SNRNP200: variants seen among roughly 807,000 people sequenced by gnomAD.
The protein encoded by SNRNP200 is U5 small nuclear ribonucleoprotein 200 kDa helicase.
A neutral mutation model predicts 255.2 loss-of-function variants in SNRNP200; 66 were observed. The ratio of observed to expected loss-of-function variants is 0.26; its 90% CI spans 0.21 to 0.32. SNRNP200 has a LOEUF of 0.32. SNRNP200 is among the 10% of genes least tolerant of loss of function. The pLI is 1.00. For synonymous variants in SNRNP200, 939 were observed against 1,027.8 expected, an observed-to-expected ratio of 0.91 and a Z score of 1.65; for missense variants, 1,585 against 2,749.8, an observed-to-expected ratio of 0.58 and a Z score of 9.47.
chr2:96,284,491 C>G lies in SNRNP200; in HGVS notation c.4259G>C (p.Gly1420Ala), dbSNP rs1302398842. Residue 1420 changes from glycine (G) to alanine (A), a missense_variant, in exon 31 of 45, where the codon GGC becomes GCC. Physicochemically the swap from Gly to Ala is moderately conservative, Grantham distance 60 (BLOSUM62 0). Coordinates refer to ENST00000323853, the MANE Select transcript of SNRNP200 (RefSeq NM_014014.5). ...GETSTDLKLL[G>A]KGNIIISTPE... is the part of the protein sequence containing the mutation. Reference sequence around the variant, plus strand: ...GGTGCTGATGATAATGTTCCCTTTGCCCAGCAGCTTCAGGTCTGTGCTGGT... The same window carrying G: ...GGTGCTGATGATAATGTTCCCTTTGGCCAGCAGCTTCAGGTCTGTGCTGGT... The G allele has an allele frequency of 6.2e-7, 1 of 1,614,128 alleles. No homozygotes were observed.
rs2063822569 is a variant in SNRNP200 at position 96,283,607 on chromosome 2, G to A, written c.4691C>T (p.Pro1564Leu). 1.2e-6 allele frequency: 2 copies of A among 1,614,084 alleles called. No individual in the cohort carries two copies. The highest frequency in any genetic ancestry group is 1.7e-6 in the Non-Finnish European group (2 of 1,180,040). The stretch of plus-strand genomic sequence containing the variant: ...AGTGAGGCGGGTCTGCTTGCGAGAC[G>A]GCACAAAGACAATGACAGGCTTCTT... Reference protein sequence around the residue: ...SPKKPVIVFVPSRKQTRLTAI... With the variant: ...SPKKPVIVFVLSRKQTRLTAI... The change falls in exon 33 of 45, where the codon CCG (proline) becomes CTG (leucine). Residue 1564 changes from proline to leucine, a missense_variant. Pro to Leu is a moderately conservative substitution (Grantham distance 98, BLOSUM62 -3). Coordinates refer to ENST00000323853, the MANE Select transcript of SNRNP200 (RefSeq NM_014014.5). The surrounding 1 kb of genome is among the most constrained non-coding windows in gnomAD (Gnocchi z 4.7).
chr2:96,291,562 A>C lies in SNRNP200; in HGVS notation c.2311-60T>G. On this transcript the variant is annotated intron_variant, in intron 17 of 44. Coordinates refer to ENST00000323853, the MANE Select transcript of SNRNP200 (RefSeq NM_014014.5). This position sits in a 1 kb window ranked among gnomAD's most constrained non-coding sequence, Gnocchi z 4.2. ...TCCTGTAGGACTCATCCAAGGACTA[A>C]GGAAATCTCCTCCCATGAGACCCTG... 7.7e-7 allele frequency: 1 copy of C among 1,295,104 alleles called. No individual in the cohort carries two copies. The highest frequency in any genetic ancestry group is 1.1e-6 in the Non-Finnish European group (1 of 890,328). The allele number at this position is 1,295,104 out of a possible 1,614,324, so 80.2% of individuals were successfully genotyped here.
At chr2:96,285,512 T>G (rs974308373) in intron 29 of SNRNP200, 172 bp from the exon 30 acceptor site, 1 of 700,136 alleles carries the variant, frequency 1.4e-6, no homozygotes, top group African/African-American at 1.8e-5. Context: ...CCAGCCCTAC[T>G]GTACCCCCTT....
rs1306474391 is a variant in SNRNP200, at chr2:96,290,363, T to C, written c.2705A>G (p.Asn902Ser). The C allele has an allele frequency of 6.2e-7, 1 of 1,614,210 alleles. No individual in the cohort carries two copies. Among genetic ancestry groups the C allele is most frequent in the South Asian group, 1.1e-5 (1 of 91,074 alleles). The change falls in exon 20 of 45, where the codon AAT (asparagine) becomes AGT (serine). Residue 902 changes from asparagine to serine, a missense_variant. By Grantham distance (46) the Asn-to-Ser change is conservative. This residue lies in a region of SNRNP200 where 719 missense variants were observed against 1,091.1 expected (regional missense o/e 0.66). Coordinates refer to ENST00000323853, the MANE Select transcript of SNRNP200 (RefSeq NM_014014.5). The surrounding 1 kb of genome is among the most constrained non-coding windows in gnomAD (Gnocchi z 4.5). ...GACATTTCCTAGCACGATTTCTGCA[T>C]TGAGCATGTCAGGAAGCTTTGAAAC... ...QMVSKLPDML[N>S]AEIVLGNVQN...
At chr2:96,288,096 C>A in intron 24 of SNRNP200, 127 bp from the exon 25 acceptor site, 1 of 809,464 alleles carries the variant, frequency 1.2e-6, no homozygotes, top group South Asian at 1.4e-5. Context: ...AAGGCAAAGT[C>A]CCCTCTGTCT....
Position 96,290,178 on chromosome 2 carries a change from G to A in SNRNP200, c.2742+148C>T. ...GCGTCTTCTAAGATCTTGGTAACAA[G>A]GGGAACTATCTGCCAGACCCAAGAT... On this transcript the variant is annotated intron_variant, in intron 20 of 44. Transcript: ENST00000323853. The surrounding 1 kb of genome is among the most constrained non-coding windows in gnomAD (Gnocchi z 4.5). 1.9e-6 allele frequency: 2 copies of A among 1,063,036 alleles called. No homozygotes were observed. Among genetic ancestry groups the A allele is most frequent in the South Asian group, 2.5e-5 (2 of 78,946 alleles). 65.9% of individuals were successfully genotyped at this position (1,063,036 alleles called of 1,614,324 possible).
At position 96,290,666 on chromosome 2, in the gene SNRNP200, A is replaced by G; in HGVS notation, c.2553+18T>C. The G allele has an allele frequency of 6.2e-7, 1 of 1,614,110 alleles. No homozygotes were observed. The highest frequency in any genetic ancestry group is 1.1e-5 in the South Asian group (1 of 91,082). ...GGATACTGATCCCTGCTGAGAATAA[A>G]CTCAAAAGGCTCTGTACCTGCAGAA... On this transcript the variant is annotated intron_variant, in intron 19 of 44. Transcript: ENST00000323853. The surrounding 1 kb of genome is among the most constrained non-coding windows in gnomAD (Gnocchi z 4.5).
intron 29 of SNRNP200, among the ~76,000 whole-genome samples, chr2:96,285,647 G>A (rs867799561): frequency 6.6e-6 from 1 of 152,196 alleles, no homozygotes; most frequent in Non-Finnish European, 1.5e-5. Context: ...TGCTTCTCAG[G>A]GACTAGGATG....
Position 96,298,867 on chromosome 2 carries a change from T to C in SNRNP200, c.830A>G (p.Asp277Gly). 6 of 1,614,192 alleles carry C rather than the reference T, an allele frequency of 3.7e-6. No homozygotes were observed. Among genetic ancestry groups the C allele is most frequent in the Non-Finnish European group, 5.1e-6 (6 of 1,180,034 alleles). Residue 277 changes from aspartate to glycine, a missense_variant, in exon 7 of 45, where the codon GAT becomes GGT. Transcript: ENST00000323853. ...CTTCTTCTGCGACACGATGGCATCA[T>C]CATAGAAACGACTGAGCTGCCGCTG... ...WLQRQLSRFY[D>G]DAIVSQKKAD...
At position 96,291,664 on chromosome 2, in the gene SNRNP200, C is replaced by T. The variant is rs2063884831; in HGVS notation, c.2310+87G>A. ...TAACCCATGGGAAACAACAATACCA[C>T]AGTACAGTCCTAGAGGAGCTGTCTG... On this transcript the variant is annotated intron_variant, in intron 17 of 44. Coordinates refer to ENST00000323853, the MANE Select transcript of SNRNP200 (RefSeq NM_014014.5). The surrounding 1 kb of genome is among the most constrained non-coding windows in gnomAD (Gnocchi z 4.2). 4.1e-6 allele frequency: 6 copies of T among 1,474,716 alleles called. No individual in the cohort carries two copies. The highest frequency in any genetic ancestry group is 2.3e-5 in the East Asian group (1 of 44,232). The allele number at this position is 1,474,716 out of a possible 1,614,324, so 91.4% of individuals were successfully genotyped here. A position where few individuals can be genotyped will look rare whatever the true frequency, so the allele number is the denominator to read the frequency against.
chr2:96,283,055 A>G lies in SNRNP200; in HGVS notation c.4915+146T>C. ...GCCTCACGAGGTTCTTGGGAGGATCAAATGAGTTAACAGCCAAGAGTCCTA... is the reference window on the plus strand; with the variant it reads ...GCCTCACGAGGTTCTTGGGAGGATCGAATGAGTTAACAGCCAAGAGTCCTA... On this transcript the variant is annotated intron_variant, in intron 34 of 44. Coordinates refer to ENST00000323853, the MANE Select transcript of SNRNP200 (RefSeq NM_014014.5). The surrounding 1 kb of genome is among the most constrained non-coding windows in gnomAD (Gnocchi z 4.7). The G allele has an allele frequency of 9.3e-7, 1 of 1,072,718 alleles. No homozygotes were observed. Among genetic ancestry groups the G allele is most frequent in the Non-Finnish European group, 1.4e-6 (1 of 713,222 alleles). The allele number at this position is 1,072,718 out of a possible 1,614,324, so 66.4% of individuals were successfully genotyped here.
At chr2:96,301,364 G>C (rs556489155) in intron 4 of SNRNP200, among the ~76,000 whole-genome samples, 160 bp downstream of exon 4, 70 of 152,296 alleles carry the variant, frequency 4.6e-4, no homozygotes, top group African/African-American at 1.7e-3. Context: ...CTGGAATCTA[G>C]GGATTCTGGT....
In SNRNP200 at chr2:96,283,308, T is replaced by C; in HGVS notation, c.4808A>G (p.Lys1603Arg). ...TTCCTTGAGCGTGCTGTCACTTAGC[T>C]TCTCCAGGTACGGAATCAGATCCTT... is the stretch of plus-strand genomic sequence containing the variant. Reference protein sequence around the residue: ...TEKDLIPYLEKLSDSTLKETL... With the variant: ...TEKDLIPYLERLSDSTLKETL... Residue 1603 changes from lysine (K) to arginine (R), a missense_variant, in exon 34 of 45, where the codon AAG (lysine) becomes AGG (arginine). Around this residue, in one of 9 missense-constraint regions of SNRNP200, gnomAD observed 719 missense variants for 1,091.1 expected, o/e 0.66. Transcript: ENST00000323853. The surrounding 1 kb of genome is among the most constrained non-coding windows in gnomAD (Gnocchi z 4.7). 6.2e-7 allele frequency: 1 copy of C among 1,613,988 alleles called. No homozygotes were observed. Among genetic ancestry groups the C allele is most frequent in the Non-Finnish European group, 8.5e-7 (1 of 1,180,006 alleles).
In SNRNP200 at chr2:96,290,242, C is replaced by T. The variant is rs772243521; in HGVS notation, c.2742+84G>A. ...TGGAAGGCCTCGGACGCTGCTGGCC[C>T]GCAGCACAATAGGGACCGACCCACT... On this transcript the variant is annotated intron_variant, in intron 20 of 44. Transcript: ENST00000323853. The surrounding 1 kb of genome is among the most constrained non-coding windows in gnomAD (Gnocchi z 4.5). The T allele has an allele frequency of 6.8e-5, 99 of 1,457,212 alleles. No individual in the cohort carries two copies. The highest frequency in any genetic ancestry group is 8.4e-5 in the Non-Finnish European group (87 of 1,039,264). The allele number at this position is 1,457,212 out of a possible 1,614,324, so 90.3% of individuals were successfully genotyped here.
intron 13 of SNRNP200, among the ~76,000 whole-genome samples, chr2:96,296,023 C>T (rs541434094): frequency 5.1e-4 from 78 of 152,040 alleles, no homozygotes; most frequent in African/African-American, 1.8e-3. Flanking sequence ...ATCACAGCTA[C>T]CAGGGAGGCT....
Position 96,283,037 on chromosome 2 carries a change from G to C in SNRNP200, c.4915+164C>G. Reference sequence around the variant, plus strand: ...ATAGTGTTTGTCTCACCTGCCTCACGAGGTTCTTGGGAGGATCAAATGAGT... The same window carrying C: ...ATAGTGTTTGTCTCACCTGCCTCACCAGGTTCTTGGGAGGATCAAATGAGT... On this transcript the variant is annotated intron_variant, in intron 34 of 44. Transcript: ENST00000323853. This position sits in a 1 kb window ranked among gnomAD's most constrained non-coding sequence, Gnocchi z 4.7. 2.3e-6 allele frequency: 2 copies of C among 858,294 alleles called. No individual in the cohort carries two copies. The highest frequency in any genetic ancestry group is 2.9e-5 in the South Asian group (2 of 70,028). 53.2% of individuals were successfully genotyped at this position (858,294 alleles called of 1,614,324 possible). A position where few individuals can be genotyped will look rare whatever the true frequency, so the allele number is the denominator to read the frequency against.
In SNRNP200 at chr2:96,278,928, T is replaced by C. The variant is rs1194358667; in HGVS notation, c.5204A>G (p.His1735Arg). 1 of 1,614,046 alleles carries C rather than the reference T, an allele frequency of 6.2e-7. No homozygotes were observed. The highest frequency in any genetic ancestry group is 8.5e-7 in the Non-Finnish European group (1 of 1,179,914). The change falls in exon 37 of 45, where the codon CAC (histidine) becomes CGC (arginine). Residue 1735 changes from histidine to arginine, a missense_variant. Physicochemically the swap from His to Arg is conservative, Grantham distance 29. Transcript: ENST00000323853. This position sits in a 1 kb window ranked among gnomAD's most constrained non-coding sequence, Gnocchi z 6.9. ...ESHLDHCMHD[H>R]FNAEIVTKTI... is the part of the protein sequence containing the mutation. ...CTTGGTGACGATCTCAGCATTGAAG[T>C]GGTCATGCATACAGTGGTCCAGGTG... is the stretch of plus-strand genomic sequence containing the variant.
Position 96,289,217 on chromosome 2 carries a change from A to G in SNRNP200, c.3093+10T>C. Reference sequence around the variant, plus strand: ...CCAACTCCCCGCCCCATCATGCTGCATAGGCTCACCTCTCTCACTGTGATG... The same window carrying G: ...CCAACTCCCCGCCCCATCATGCTGCGTAGGCTCACCTCTCTCACTGTGATG... On this transcript the variant is annotated intron_variant, in intron 22 of 44. Coordinates refer to ENST00000323853, the MANE Select transcript of SNRNP200 (RefSeq NM_014014.5). 1 of 1,614,234 alleles carries G rather than the reference A, an allele frequency of 6.2e-7. No individual in the cohort carries two copies. The highest frequency in any genetic ancestry group is 8.5e-7 in the Non-Finnish European group (1 of 1,180,046).
At chr2:96,288,469 T>C (rs1006580466) in intron 24 of SNRNP200, among the ~76,000 whole-genome samples, 194 bp downstream of exon 24, 1 of 152,180 alleles carries the variant, frequency 6.6e-6, no homozygotes, top group Non-Finnish European at 1.5e-5. Flanking sequence ...GGTCTTACCT[T>C]TCCCACGTGC....
Sources: gnomAD v4.1 joint callset for allele counts (sites outside exome capture counted in the v4.1 genomes callset) on GRCh38, gnomAD v4.1.1 for gene constraint, gnomAD v4.1.1 regional missense constraint, Gnocchi (gnomAD v3.1) non-coding constraint, MANE v1.5 for transcripts, NCBI Gene and HGNC (gene_info 2026-07-23, HGNC 2026-07-21) for gene names.